The following MFHAS1 variants were observed in gnomAD, a reference collection of about 807,000 sequenced individuals.
MFHAS1 encodes the protein malignant fibrous histiocytoma-amplified sequence 1.
MFHAS1 carries 50 observed loss-of-function variants against 70.4 expected under a neutral mutation model. The ratio of observed to expected loss-of-function variants is 0.71; its 90% confidence interval spans 0.57 to 0.90. MFHAS1 has a LOEUF of 0.90. MFHAS1 is among the 40% of genes least tolerant of loss of function. MFHAS1 has a pLI of 0.00. For synonymous variants in MFHAS1, 952 were observed against 620.0 expected, an observed-to-expected ratio of 1.54 and a Z score of -7.96; for missense variants, 1,795 against 1,347.6, an observed-to-expected ratio of 1.33 and a Z score of -5.20.
At chr8:8,795,001 G>C (rs529491469) in intron 2 of MFHAS1, among the ~76,000 whole-genome samples, 204 of 152,310 alleles carry the variant, frequency 1.3e-3, no homozygotes, top group South Asian at 8.5e-3. Flanking sequence ...TGCCAGGAAG[G>C]TTTCTAGCGC....
At chr8:8,786,596 A>G (rs974785984) in intron 2 of MFHAS1, among the ~76,000 whole-genome samples, 2 of 152,234 alleles carry the variant, frequency 1.3e-5, no homozygotes, top group Non-Finnish European at 2.9e-5. Context: ...GCCTCAGCAA[A>G]TAAAGCGGGA....
At chr8:8,864,809 G>A (rs571643637) in intron 1 of MFHAS1, among the ~76,000 whole-genome samples, 2 of 152,308 alleles carry the variant, frequency 1.3e-5, no homozygotes, top group South Asian at 4.1e-4. Context: ...AAGGGAAGGA[G>A]AGAGGGAGAG....
intron 1 of MFHAS1, among the ~76,000 whole-genome samples, chr8:8,854,520 CAAA>C (rs34883754): frequency 1.4e-5 from 2 of 140,670 alleles, no homozygotes. Context: ...GACTCTGTCT[CAAA>C]AAAAAAAAAA....
At chr8:8,852,010 A>C (rs1262726799) in intron 1 of MFHAS1, among the ~76,000 whole-genome samples, 1 of 152,218 alleles carries the variant, frequency 6.6e-6, no homozygotes, top group Non-Finnish European at 1.5e-5. Context: ...CAGCGATGCC[A>C]AGCCCAGTTT....
chr8:8,827,181 C>G (rs1040762458), intron 1 of MFHAS1, among the ~76,000 whole-genome samples: 7 of 152,206 alleles, frequency 4.6e-5, no homozygotes, highest in African/African-American at 1.7e-4. Context: ...CAATATTTTG[C>G]TGGACACCTA....
In MFHAS1 at chr8:8,803,609, T is replaced by C. The variant is rs1369371826; in HGVS notation, c.2999-6118A>G. Among the ~76,000 whole-genome samples, 21 of 146,202 alleles carry C rather than the reference T, an allele frequency of 1.4e-4. 1 individual carries two copies. Among genetic ancestry groups the C allele is most frequent in the Admixed American group, 3.5e-4 (5 of 14,412 alleles). On this transcript the variant is annotated intron_variant, in intron 1 of 2. Coordinates refer to ENST00000276282, the MANE Select transcript of MFHAS1 (RefSeq NM_004225.3). ...TCTTGTCATTATTCCCTAAACAAAA[T>C]AGTATAACAACTATTTACATAACAT...
chr8:8,865,691 G>C (rs1199611371), intron 1 of MFHAS1, among the ~76,000 whole-genome samples: 1 of 152,164 alleles, frequency 6.6e-6, no homozygotes, highest in African/African-American at 2.4e-5. Context: ...TAACTTCTTT[G>C]AAATTTCTAG....
At chr8:8,792,581 G>C (rs1805756176) in intron 2 of MFHAS1, among the ~76,000 whole-genome samples, 2 of 152,166 alleles carry the variant, frequency 1.3e-5, no homozygotes, top group Non-Finnish European at 2.9e-5. Flanking sequence ...ACTCCAGCCT[G>C]GGCTACAGAG....
At chr8:8,788,946 C>G (rs1437217784) in intron 2 of MFHAS1, among the ~76,000 whole-genome samples, 1 of 152,208 alleles carries the variant, frequency 6.6e-6, no homozygotes, top group African/African-American at 2.4e-5. Context: ...TTGTGAGCCA[C>G]GGCCAGGAGT....
chr8:8,866,495 T>G (rs1231353457), intron 1 of MFHAS1, among the ~76,000 whole-genome samples: 1 of 152,016 alleles, frequency 6.6e-6, no homozygotes, highest in Non-Finnish European at 1.5e-5. Flanking sequence ...ATTTTTTATT[T>G]TTTGTAGAAA....
intron 1 of MFHAS1, among the ~76,000 whole-genome samples, chr8:8,868,667 A>G (rs1808954423): frequency 6.6e-6 from 1 of 152,142 alleles, no homozygotes; most frequent in African/African-American, 2.4e-5. Flanking sequence ...GGCCCTCTCT[A>G]ATGAATTACT....
chr8:8,800,019 C>T (rs957162296), intron 1 of MFHAS1, among the ~76,000 whole-genome samples: 1 of 152,208 alleles, frequency 6.6e-6, no homozygotes, highest in Non-Finnish European at 1.5e-5. Flanking sequence ...ACTTCTGGGG[C>T]CCTTACTCTT....
intron 1 of MFHAS1, among the ~76,000 whole-genome samples, chr8:8,846,662 C>A (rs1227598097): frequency 1.3e-5 from 2 of 152,012 alleles, no homozygotes; most frequent in African/African-American, 4.8e-5. Flanking sequence ...TCAAACAAAC[C>A]AAGAACACAG....
intron 1 of MFHAS1, among the ~76,000 whole-genome samples, chr8:8,844,232 C>G (rs1807944946): frequency 6.6e-6 from 1 of 152,202 alleles, no homozygotes; most frequent in African/African-American, 2.4e-5. Flanking sequence ...AAAGGTCCTT[C>G]CATAGGAGCC....
At chr8:8,875,123 T>G (rs192633593) in intron 1 of MFHAS1, among the ~76,000 whole-genome samples, 105 of 152,364 alleles carry the variant, frequency 6.9e-4, no homozygotes, top group African/African-American at 2.5e-3. Context: ...AGATCTTGCA[T>G]CTGACGTGCC....
In MFHAS1 at chr8:8,785,831, C is replaced by T. The variant is rs376917827; in HGVS notation, c.*191G>A. ...TTGTAAAACATTTGCTCCATGTTCT[C>T]GTCCATGCTTCCCCCCACCACCCCC... On this transcript the variant is annotated 3_prime_UTR_variant, in exon 3 of 3. Coordinates refer to ENST00000276282, the MANE Select transcript of MFHAS1 (RefSeq NM_004225.3). 2 of 549,200 alleles carry T rather than the reference C, an allele frequency of 3.6e-6. No individual in the cohort carries two copies. Among genetic ancestry groups the T allele is most frequent in the South Asian group, 4.4e-5 (2 of 45,362 alleles). 34.0% of individuals were successfully genotyped at this position (549,200 alleles called of 1,614,324 possible). A position where few individuals can be genotyped will look rare whatever the true frequency, so the allele number is the denominator to read the frequency against.
At chr8:8,857,892 C>G (rs1467656419) in intron 1 of MFHAS1, among the ~76,000 whole-genome samples, 1 of 152,184 alleles carries the variant, frequency 6.6e-6, no homozygotes, top group Non-Finnish European at 1.5e-5. Context: ...ATTCCATATG[C>G]TGACTGCCCA....
chr8:8,808,784 G>C (rs139019280), intron 1 of MFHAS1, among the ~76,000 whole-genome samples: 77 of 152,288 alleles, frequency 5.1e-4, no homozygotes, highest in African/African-American at 1.8e-3. Context: ...ATTGGGTTTG[G>C]TGCCATTGGT....
At chr8:8,792,949 G>C (rs937537687) in intron 2 of MFHAS1, among the ~76,000 whole-genome samples, 2 of 152,172 alleles carry the variant, frequency 1.3e-5, no homozygotes, top group Non-Finnish European at 2.9e-5. Context: ...AGATATCCTT[G>C]AAAATCATCT....
Sources: allele counts gnomAD v4.1 joint callset (sites outside exome capture counted in the v4.1 genomes callset), GRCh38; gene constraint gnomAD v4.1.1; transcripts MANE v1.5; gene names NCBI Gene and HGNC (gene_info 2026-07-23, HGNC 2026-07-21).